CUBN: variants seen among roughly 807,000 people sequenced by gnomAD.
The protein encoded by CUBN is 460 kDa receptor.
CUBN carries 282 observed loss-of-function variants against 405.3 expected under a neutral mutation model. The ratio of observed to expected loss-of-function variants is 0.70; its 90% confidence interval spans 0.63 to 0.77. CUBN has a LOEUF of 0.77. Ranked by LOEUF, CUBN falls within the 30% of genes least tolerant of loss-of-function variation. The pLI, the probability that CUBN is intolerant of heterozygous loss-of-function variation, is 0.00. For synonymous variants in CUBN, 1,684 were observed against 1,617.0 expected (o/e 1.04, Z -0.99); for missense variants, 4,514 against 4,475.2 (o/e 1.01, Z -0.25).
rs1045033375 is a variant in CUBN at position 16,914,912 on chromosome 10, G to A, written c.7351+120C>T. On this transcript the variant is annotated intron_variant, in intron 47 of 66. Coordinates refer to ENST00000377833, the MANE Select transcript of CUBN (RefSeq NM_001081.4). ...TTATCACTGTGAATTTCTGATTAAG[G>A]TCCAAGAAAATAGGGGTCATGTTTT... The A allele has an allele frequency of 5.7e-6, 5 of 871,430 alleles. No homozygotes were observed. In the African/African-American group the frequency reaches 6.7e-5, roughly 12 times the overall value. The allele number at this position is 871,430 out of a possible 1,614,324, so 54.0% of individuals were successfully genotyped here. A position where few individuals can be genotyped will look rare whatever the true frequency, so the allele number is the denominator to read the frequency against.
At chr10:16,848,086 GA>G (rs150536482) in intron 60 of CUBN, among the ~76,000 whole-genome samples, 11 of 152,094 alleles carry the variant, frequency 7.2e-5, no homozygotes, top group African/African-American at 2.4e-4. Flanking sequence ...GAATTTATTT[GA>G]AAAAAACGAT....
Position 16,940,229 on chromosome 10 carries a change from T to C in CUBN, c.5351A>G (p.Gln1784Arg), listed in dbSNP as rs1319231469. Residue 1784 changes from glutamine (Q) to arginine (R), a missense_variant, in exon 37 of 67, where the codon CAG becomes CGG. Physicochemically the swap from Gln to Arg is conservative, Grantham distance 43. Around this residue, in one of 5 missense-constraint regions of CUBN, gnomAD observed 1,613 missense variants for 1,542.8 expected, o/e 1.05. Transcript: ENST00000377833. ...NRLQLSFISFQLEDSQDCSRD... is the reference protein window; with the variant it reads ...NRLQLSFISFRLEDSQDCSRD... ...GCTGCAGTCCTGAGAGTCTTCCAAC[T>C]GGAAAGATCTGATTTGGGGAAAAAA... is the stretch of plus-strand genomic sequence containing the variant. The C allele has an allele frequency of 5.0e-6, 8 of 1,613,814 alleles. No individual in the cohort carries two copies. The highest frequency in any genetic ancestry group is 5.9e-6 in the Non-Finnish European group (7 of 1,179,804).
intron 36 of CUBN, among the ~76,000 whole-genome samples, chr10:16,944,946 G>A (rs900504438): frequency 9.9e-5 from 15 of 152,134 alleles, no homozygotes; most frequent in African/African-American, 1.7e-4. Context: ...TGTGGTATGC[G>A]TTTTAAATTT....
rs185197345 is a variant in CUBN at position 17,065,211 on chromosome 10, A to G, written c.3139+297T>C. Among the ~76,000 whole-genome samples the G allele has an allele frequency of 4.7e-3, 702 of 148,068 alleles. 6 individuals carry two copies. Among genetic ancestry groups the G allele is most frequent in the African/African-American group, 0.017 (659 of 39,436 alleles). ...AGCCAATTCAGAGTACTTTGGAGAC[A>G]TTATATTTCTTTACCGTCTGAAAAC... On this transcript the variant is annotated intron_variant, in intron 22 of 66. Transcript: ENST00000377833.
chr10:16,855,293 A>T (rs1035890515), intron 59 of CUBN, among the ~76,000 whole-genome samples: 1 of 151,852 alleles, frequency 6.6e-6, no homozygotes, highest in African/African-American at 2.4e-5. Flanking sequence ...GCACTGCACT[A>T]AAATGGAGAG....
At chr10:17,015,926 G>A (rs1834315459) in intron 28 of CUBN, among the ~76,000 whole-genome samples, 1 of 152,188 alleles carries the variant, frequency 6.6e-6, no homozygotes, top group African/African-American at 2.4e-5. Context: ...GACTAAGGCT[G>A]TGGCCTTTCT....
Position 17,008,242 on chromosome 10 carries a change from T to TGTGTGTGTGTGTGTGTGTGTG in CUBN, c.4168+11570_4168+11590dup, listed in dbSNP as rs1554809161. ...GTAGAGTCCCTGCCCGTGTGTGGTGTGTGTGTGTGTGTGTGTGTGTGTGTG... is the reference window on the plus strand; with the variant it reads ...GTAGAGTCCCTGCCCGTGTGTGGTGTGTGTGTGTGTGTGTGTGTGTGGTGTGTGTGTGTGTGTGTGTGTGTG... On this transcript the variant is annotated intron_variant, in intron 28 of 66. Transcript: ENST00000377833. Among the ~76,000 whole-genome samples the TGTGTGTGTGTGTGTGTGTGTG allele has an allele frequency of 1.5e-3, 89 of 59,326 alleles. 1 individual carries two copies. The highest frequency in any genetic ancestry group is 3.5e-4 in the Non-Finnish European group (9 of 25,486). The allele number at this position is 59,326 out of a possible 152,430, so 38.9% of individuals were successfully genotyped here.
At chr10:16,904,194 T>C in intron 50 of CUBN, 79 bp from the exon 51 acceptor site, 2 of 1,329,098 alleles carry the variant, frequency 1.5e-6, no homozygotes, top group South Asian at 2.4e-5. Context: ...TAAAAACAAA[T>C]TTCAAGATAT....
chr10:16,938,890 G>A (rs1026468838), intron 38 of CUBN, 73 bp downstream of exon 38: 61 of 1,345,560 alleles, frequency 4.5e-5, no homozygotes, highest in East Asian at 1.1e-4. Context: ...TTGAATAGAC[G>A]TTACCTTGGA....
At chr10:16,851,473 G>T in intron 59 of CUBN, 30 bp from the exon 60 acceptor site, 1 of 1,595,354 alleles carries the variant, frequency 6.3e-7, no homozygotes, top group Non-Finnish European at 8.6e-7. Flanking sequence ...TCACTATGCA[G>T]ACCAAACAGA....
chr10:17,051,135 G>A (rs556370215), intron 22 of CUBN, among the ~76,000 whole-genome samples: 2 of 152,178 alleles, frequency 1.3e-5, no homozygotes, highest in Non-Finnish European at 2.9e-5. Context: ...GTCAAGGCAG[G>A]TGGATCATGA....
At position 16,947,265 on chromosome 10, in the gene CUBN, G is replaced by T; in HGVS notation, c.5312C>A (p.Ser1771Tyr). Residue 1771 changes from serine (S) to tyrosine (Y), a missense_variant, in exon 36 of 67, where the codon TCC becomes TAC. By Grantham distance (144) the Ser-to-Tyr change is moderately radical. Around this residue, in one of 5 missense-constraint regions of CUBN, gnomAD observed 1,613 missense variants for 1,542.8 expected, o/e 1.05. Coordinates refer to ENST00000377833, the MANE Select transcript of CUBN (RefSeq NM_001081.4). ...AGACAGCTGGAGCCGGTTGCCAGGG[G>T]AACTGACGATGTTCCAGACACATTC... The part of the protein sequence containing the change: ...NVECVWNIVS[S>Y]PGNRLQLSFI... The T allele has an allele frequency of 1.2e-6, 2 of 1,614,094 alleles. No homozygotes were observed. The highest frequency in any genetic ancestry group is 1.7e-6 in the Non-Finnish European group (2 of 1,179,986).
At chr10:17,020,901 A>G (rs1011883569) in intron 27 of CUBN, among the ~76,000 whole-genome samples, 1 of 152,250 alleles carries the variant, frequency 6.6e-6, no homozygotes, top group Non-Finnish European at 1.5e-5. Context: ...AATAACAAAC[A>G]GTATAATCAT....
At position 16,835,251 on chromosome 10, in the gene CUBN, C is replaced by G. The variant is rs1219737457; in HGVS notation, c.10181-56G>C. 6 of 1,365,454 alleles carry G rather than the reference C, an allele frequency of 4.4e-6. No homozygotes were observed. The Admixed American group carries it at 5.0e-5, about 11-fold the overall frequency. The allele number at this position is 1,365,454 out of a possible 1,614,324, so 84.6% of individuals were successfully genotyped here. ...CGCATTCCAATATTTAGTGCTCTTT[C>G]AACTTCACAGGAATCATTCAAAAAG... On this transcript the variant is annotated intron_variant, in intron 63 of 66. Coordinates refer to ENST00000377833, the MANE Select transcript of CUBN (RefSeq NM_001081.4).
At position 17,007,473 on chromosome 10, in the gene CUBN, T is replaced by C. The variant is rs1233726385; in HGVS notation, c.4168+12360A>G. Among the ~76,000 whole-genome samples, 155 of 152,348 alleles carry C rather than the reference T, an allele frequency of 1.0e-3. 1 individual carries two copies. Among genetic ancestry groups the C allele is most frequent in the Non-Finnish European group, 1.0e-4 (7 of 68,028 alleles). On this transcript the variant is annotated intron_variant, in intron 28 of 66. Transcript: ENST00000377833. ...GTCGTTCACAAAGAAGCATATTTTGTAAATGCGTTTGTGTATGAACTGGGG... is the reference window on the plus strand; with the variant it reads ...GTCGTTCACAAAGAAGCATATTTTGCAAATGCGTTTGTGTATGAACTGGGG...
At position 17,104,575 on chromosome 10, in the gene CUBN, C is replaced by G; in HGVS notation, c.1261G>C (p.Asp421His). 6.2e-7 allele frequency: 1 copy of G among 1,613,520 alleles called. No individual in the cohort carries two copies. Among genetic ancestry groups the G allele is most frequent in the Non-Finnish European group, 8.5e-7 (1 of 1,179,878 alleles). The change falls in exon 12 of 67, where the codon GAC becomes CAC. Residue 421 changes from aspartate (D) to histidine (H), a missense_variant. Asp to His is a moderately conservative substitution (Grantham distance 81). Coordinates refer to ENST00000377833, the MANE Select transcript of CUBN (RefSeq NM_001081.4). ...CAGTTGACACCTGTCCAACCTGAGT[C>G]ACACTTACAAAAATAACCAGAGACA... ...DTVSGYFCKCDSGWTGVNCTE... is the reference protein window; with the variant it reads ...DTVSGYFCKCHSGWTGVNCTE...
chr10:16,891,967 A>G (rs1564406948), intron 54 of CUBN, among the ~76,000 whole-genome samples: 1 of 152,160 alleles, frequency 6.6e-6, no homozygotes, highest in African/African-American at 2.4e-5. Flanking sequence ...TATTAATCTT[A>G]CTTGACTATT....
At chr10:17,084,497 T>C in intron 16 of CUBN, 36 bp from the exon 17 acceptor site, 1 of 1,589,626 alleles carries the variant, frequency 6.3e-7, no homozygotes, top group Non-Finnish European at 8.6e-7. Flanking sequence ...GTCATGGCAA[T>C]GGCATTGCTC....
chr10:17,125,772 G>A (rs1048764283), intron 4 of CUBN, among the ~76,000 whole-genome samples: 4 of 152,142 alleles, frequency 2.6e-5, no homozygotes, highest in African/African-American at 7.2e-5. Context: ...CTGGCTGAGC[G>A]AATATAATGA....
Sources: gnomAD v4.1 joint callset for allele counts (sites outside exome capture counted in the v4.1 genomes callset) on GRCh38, gnomAD v4.1.1 for gene constraint, gnomAD v4.1.1 regional missense constraint, MANE v1.5 for transcripts, NCBI Gene and HGNC (gene_info 2026-07-23, HGNC 2026-07-21) for gene names.